ILDR1: variants seen among roughly 807,000 people sequenced by gnomAD.
The protein encoded by ILDR1 is immunoglobulin-like domain-containing receptor 1.
ILDR1 carries 56 observed loss-of-function variants against 62.4 expected under a neutral mutation model. The observed-to-expected ratio is 0.90, with a 90% CI of 0.72 to 1.12. The LOEUF (loss-of-function observed/expected upper bound fraction) is 1.12. Ranked by LOEUF, ILDR1 falls within the 50% of genes most tolerant of loss-of-function variation. ILDR1 has a pLI of 0.00. For synonymous variants in ILDR1, 284 were observed against 277.8 expected, an observed-to-expected ratio of 1.02 and a Z score of -0.22; for missense variants, 736 against 710.6, an observed-to-expected ratio of 1.04 and a Z score of -0.41.
the ILDR1 span, among the ~76,000 whole-genome samples, chr3:122,046,706 C>T: frequency 2.1e-3 from 297 of 144,204 alleles, no homozygotes; most frequent in Non-Finnish European, 3.7e-3. Flanking sequence ...TCCAGTTGAT[C>T]GCATTGGCTC....
chr3:122,005,141 G>T, intron 3 of ILDR1, 103 bp downstream of exon 3: 1 of 817,148 alleles, frequency 1.2e-6, no homozygotes. Flanking sequence ...AGACCAACAG[G>T]CAGCAGAAAG....
the ILDR1 span, among the ~76,000 whole-genome samples, chr3:122,034,919 T>A: frequency 1.3e-5 from 2 of 152,170 alleles, no homozygotes; most frequent in African/African-American, 4.8e-5. Context: ...GAGAACAGGA[T>A]GGGAAAGACC....
At chr3:122,015,181 T>C (rs1463123299) in intron 1 of ILDR1, among the ~76,000 whole-genome samples, 3 of 152,206 alleles carry the variant, frequency 2.0e-5, no homozygotes, top group South Asian at 4.1e-4. Context: ...ATCTTACTCC[T>C]GTACAATAAG....
Position 121,991,515 on chromosome 3 carries a change from C to T in ILDR1, c.1599+1635G>A, listed in dbSNP as rs553799256. Among the ~76,000 whole-genome samples, 3 of 152,258 alleles carry T rather than the reference C, an allele frequency of 2.0e-5. No individual in the cohort carries two copies. In the East Asian group the frequency reaches 5.8e-4, roughly 29 times the overall value. The stretch of plus-strand genomic sequence containing the variant: ...GGTAACACGGAAGAAATAGTTGTAT[C>T]ATCTGTAAATGAGGATAATAGTACA... On this transcript the variant is annotated intron_variant, in intron 7 of 7. Coordinates refer to ENST00000344209, the MANE Select transcript of ILDR1 (RefSeq NM_001199799.2).
intron 5 of ILDR1, among the ~76,000 whole-genome samples, chr3:121,996,925 G>A (rs2071445665): frequency 6.6e-6 from 1 of 152,112 alleles, no homozygotes; most frequent in East Asian, 1.9e-4. Context: ...GTTTGAGATG[G>A]AGTCTCGCTA....
At chr3:122,045,347 C>T in the ILDR1 span, among the ~76,000 whole-genome samples, 7 of 150,404 alleles carry the variant, frequency 4.7e-5, no homozygotes, top group South Asian at 1.5e-3. Flanking sequence ...ACTATGTGGT[C>T]AATTTTGGAA....
the ILDR1 span, among the ~76,000 whole-genome samples, chr3:122,050,134 C>G: frequency 6.6e-6 from 1 of 152,192 alleles, no homozygotes; most frequent in Non-Finnish European, 1.5e-5. Flanking sequence ...CATCCTTATA[C>G]TTTCAGCCTA....
intron 1 of ILDR1, among the ~76,000 whole-genome samples, chr3:122,017,239 G>A (rs1430756506): frequency 6.6e-6 from 1 of 152,078 alleles, no homozygotes; most frequent in Non-Finnish European, 1.5e-5. Context: ...TGTAGAGAAG[G>A]GGTTTCGCCA....
At chr3:122,018,174 A>G (rs1414343361) in intron 1 of ILDR1, among the ~76,000 whole-genome samples, 1 of 152,232 alleles carries the variant, frequency 6.6e-6, no homozygotes, top group African/African-American at 2.4e-5. Context: ...TGGATTAAGA[A>G]AATGTGGCAC....
intron 7 of ILDR1, 65 bp downstream of exon 7, chr3:121,993,085 G>T: frequency 7.6e-7 from 1 of 1,316,376 alleles, no homozygotes; most frequent in Non-Finnish European, 1.1e-6. Flanking sequence ...GTTGGCTGTG[G>T]TCATGCCTGG....
the ILDR1 span, among the ~76,000 whole-genome samples, chr3:122,059,537 A>C: frequency 6.8e-6 from 1 of 147,394 alleles, no homozygotes; most frequent in Non-Finnish European, 1.5e-5. Context: ...CTCCGTCTCA[A>C]AAAAAAAAAA....
At chr3:122,061,315 T>A in the ILDR1 span, among the ~76,000 whole-genome samples, 174 of 152,300 alleles carry the variant, frequency 1.1e-3, no homozygotes, top group African/African-American at 3.9e-3. Context: ...TGAATACAAA[T>A]GAAATTGCTG....
intron 1 of ILDR1, among the ~76,000 whole-genome samples, chr3:122,011,008 C>G (rs1261063071): frequency 2.0e-5 from 3 of 152,074 alleles, no homozygotes; most frequent in African/African-American, 7.2e-5. Context: ...GAGCAGTGCT[C>G]CTGCCTCTCA....
At chr3:122,017,223 A>G (rs912774879) in intron 1 of ILDR1, among the ~76,000 whole-genome samples, 1 of 151,868 alleles carries the variant, frequency 6.6e-6, no homozygotes, top group Admixed American at 6.6e-5. Flanking sequence ...TAATTTTTGT[A>G]TTTTTTGTAG....
At chr3:122,047,519 T>G in the ILDR1 span, among the ~76,000 whole-genome samples, 1 of 152,352 alleles carries the variant, frequency 6.6e-6, no homozygotes, top group Admixed American at 6.5e-5. Flanking sequence ...CCAGCCTCGC[T>G]GCCGCCTTGC....
the ILDR1 span, among the ~76,000 whole-genome samples, chr3:122,035,926 G>A: frequency 6.6e-6 from 1 of 152,196 alleles, no homozygotes; most frequent in Admixed American, 6.5e-5. Flanking sequence ...AGTTTGGAGG[G>A]CTCAGAAGAA....
the ILDR1 span, among the ~76,000 whole-genome samples, chr3:122,049,230 T>C: frequency 1.3e-5 from 2 of 152,218 alleles, no homozygotes; most frequent in African/African-American, 2.4e-5. Flanking sequence ...TCCATTGTGA[T>C]TGGAAAAGGT....
At position 122,005,235 on chromosome 3, in the gene ILDR1, C is replaced by A; in HGVS notation, c.379+9G>T. 6.3e-7 allele frequency: 1 copy of A among 1,597,236 alleles called. No individual in the cohort carries two copies. Among genetic ancestry groups the A allele is most frequent in the Non-Finnish European group, 8.6e-7 (1 of 1,164,960 alleles). ...CCCCCAGTTCCCCTGACACCTCCCC[C>A]GCACTCACGGTTCTGGATGGTGATC... On this transcript the variant is annotated intron_variant, in intron 3 of 7. Coordinates refer to ENST00000344209, the MANE Select transcript of ILDR1 (RefSeq NM_001199799.2).
At chr3:122,041,758 T>A in the ILDR1 span, among the ~76,000 whole-genome samples, 1 of 152,130 alleles carries the variant, frequency 6.6e-6, no homozygotes, top group Non-Finnish European at 1.5e-5. Flanking sequence ...GTTGATTTCG[T>A]ATCTTGCAAC....
Sources: gnomAD v4.1 joint callset for allele counts (sites outside exome capture counted in the v4.1 genomes callset) on GRCh38, gnomAD v4.1.1 for gene constraint, MANE v1.5 for transcripts, NCBI Gene and HGNC (gene_info 2026-07-23, HGNC 2026-07-21) for gene names.